PTPRT: variants seen among roughly 807,000 people sequenced by gnomAD.
PTPRT encodes protein tyrosine phosphatase receptor type T, also known as receptor-type tyrosine-protein phosphatase T.
A neutral mutation model predicts 176.8 loss-of-function variants in PTPRT; 56 were observed. That is an observed-to-expected ratio of 0.32 (90% confidence interval 0.26 to 0.40). PTPRT has a LOEUF of 0.40. Ranked by LOEUF, PTPRT falls within the 10% of genes least tolerant of loss-of-function variation. The pLI is 1.00. For missense variants in PTPRT, 1,540 were observed against 1,908.2 expected (o/e 0.81, Z 3.60); for synonymous variants, 783 against 739.0 (o/e 1.06, Z -0.96).
intron 6 of PTPRT, among the ~76,000 whole-genome samples, chr20:42,743,718 A>G (rs1281269613): frequency 6.7e-6 from 1 of 149,952 alleles, no homozygotes; most frequent in African/African-American, 2.5e-5. Context: ...CATGTTGTGC[A>G]AGGGGCATGG....
At chr20:42,614,011 A>G (rs1363484255) in intron 7 of PTPRT, among the ~76,000 whole-genome samples, 10 of 151,214 alleles carry the variant, frequency 6.6e-5, no homozygotes, top group Admixed American at 6.6e-4. Flanking sequence ...GCTTAACAAT[A>G]GGAATTTATC....
chr20:42,760,635 C>T (rs896048972), intron 5 of PTPRT, among the ~76,000 whole-genome samples: 3 of 152,120 alleles, frequency 2.0e-5, no homozygotes, highest in Non-Finnish European at 4.4e-5. Context: ...TTGTGCCAGC[C>T]ACTGTGTTAA....
rs189476075 is a variant in PTPRT at position 42,251,232 on chromosome 20, G to T, written c.2177-2410C>A. On this transcript the variant is annotated intron_variant, in intron 13 of 30. Coordinates refer to ENST00000373187, the MANE Select transcript of PTPRT (RefSeq NM_007050.6). ...TTTTACTTAGTGTGCCTGCTACCAG[G>T]TCCTGTTCTAGAGACTAGGAGTGCA... Among the ~76,000 whole-genome samples the T allele has an allele frequency of 2.0e-5, 3 of 152,246 alleles. No homozygotes were observed. In the East Asian group the frequency reaches 5.8e-4, roughly 29 times the overall value.
chr20:42,803,639 C>T (rs775895427), intron 2 of PTPRT, among the ~76,000 whole-genome samples: 2 of 152,124 alleles, frequency 1.3e-5, no homozygotes, highest in Non-Finnish European at 2.9e-5. Flanking sequence ...CTGCAACCTT[C>T]GCCTCCAGGG....
At chr20:42,786,187 T>C (rs574101523) in intron 3 of PTPRT, among the ~76,000 whole-genome samples, 13 of 152,320 alleles carry the variant, frequency 8.5e-5, no homozygotes, top group African/African-American at 3.1e-4. Context: ...GTGAGTCAAT[T>C]AAACCTCTTT....
At chr20:43,070,190 T>C (rs1430803710) in intron 1 of PTPRT, among the ~76,000 whole-genome samples, 2 of 152,180 alleles carry the variant, frequency 1.3e-5, no homozygotes, top group African/African-American at 2.4e-5. Flanking sequence ...CCGGATAGTC[T>C]TGACCAGCAG....
chr20:42,989,787 GA>G (rs1983787712), intron 1 of PTPRT, among the ~76,000 whole-genome samples: 3 of 152,180 alleles, frequency 2.0e-5, no homozygotes, highest in Non-Finnish European at 4.4e-5. Context: ...TTTCAACTGG[GA>G]AAATTGATGA....
At chr20:42,929,858 T>C (rs141270211) in intron 1 of PTPRT, among the ~76,000 whole-genome samples, 43 of 152,362 alleles carry the variant, frequency 2.8e-4, no homozygotes, top group African/African-American at 1.0e-3. Context: ...GCAGTTGCCA[T>C]GACAATGTGT....
intron 14 of PTPRT, among the ~76,000 whole-genome samples, chr20:42,240,597 C>G (rs2146878632): frequency 6.6e-6 from 1 of 152,260 alleles, no homozygotes; most frequent in Admixed American, 6.5e-5. Flanking sequence ...ATCTAACGAC[C>G]CATTTAACCA....
chr20:42,068,922 T>C (rs984381026), downstream of PTPRT, among the ~76,000 whole-genome samples: 3 of 152,224 alleles, frequency 2.0e-5, no homozygotes, highest in African/African-American at 7.2e-5. Flanking sequence ...AGATTCATCT[T>C]CTATCTCAGC....
At chr20:42,264,152 T>G (rs551338018) in intron 13 of PTPRT, among the ~76,000 whole-genome samples, 2 of 152,286 alleles carry the variant, frequency 1.3e-5, no homozygotes, top group East Asian at 3.9e-4. Flanking sequence ...TTAAGGAGAA[T>G]ATCCCAGGAG....
intron 13 of PTPRT, among the ~76,000 whole-genome samples, chr20:42,267,117 G>A (rs1279258149): frequency 6.6e-6 from 1 of 152,092 alleles, no homozygotes; most frequent in Admixed American, 6.5e-5. Context: ...TACCTGTTCA[G>A]CAGAGACTAC....
chr20:42,932,355 G>A (rs1167680575), intron 1 of PTPRT, among the ~76,000 whole-genome samples: 4 of 152,350 alleles, frequency 2.6e-5, no homozygotes, highest in Non-Finnish European at 4.4e-5. Flanking sequence ...TGGCTGCAGC[G>A]CAGGCTGCAC....
chr20:42,071,578 C>T (rs1982337558), downstream of PTPRT, among the ~76,000 whole-genome samples: 1 of 152,194 alleles, frequency 6.6e-6, no homozygotes, highest in South Asian at 2.1e-4. Context: ...CCATGGATTG[C>T]ACTCTGAGAT....
chr20:42,989,606 C>T (rs905290756), intron 1 of PTPRT, among the ~76,000 whole-genome samples: 1 of 152,142 alleles, frequency 6.6e-6, no homozygotes. Flanking sequence ...CCACTGGCTC[C>T]CACAAATCAA....
chr20:42,932,866 A>G (rs1253816829), intron 1 of PTPRT, among the ~76,000 whole-genome samples: 1 of 152,234 alleles, frequency 6.6e-6, no homozygotes, highest in Non-Finnish European at 1.5e-5. Flanking sequence ...AAAGAGAAAA[A>G]TGCAAAATGG....
At chr20:42,613,694 T>A (rs1182609961) in intron 7 of PTPRT, among the ~76,000 whole-genome samples, 3 of 152,142 alleles carry the variant, frequency 2.0e-5, no homozygotes, top group African/African-American at 7.2e-5. Flanking sequence ...AGAGACAGAT[T>A]CTATGAGCTA....
At chr20:42,328,191 A>G (rs969173541) in intron 11 of PTPRT, among the ~76,000 whole-genome samples, 5 of 152,150 alleles carry the variant, frequency 3.3e-5, no homozygotes, top group South Asian at 2.1e-4. Context: ...TTTAATGCTT[A>G]TGGGACAGGA....
At chr20:42,244,522 G>A (rs1194467501) in intron 14 of PTPRT, among the ~76,000 whole-genome samples, 1 of 152,144 alleles carries the variant, frequency 6.6e-6, no homozygotes, top group Non-Finnish European at 1.5e-5. Flanking sequence ...GTTCTCATTT[G>A]AAAATTAAAA....
Sources: gnomAD v4.1 joint callset for allele counts (sites outside exome capture counted in the v4.1 genomes callset) on GRCh38, gnomAD v4.1.1 for gene constraint, MANE v1.5 for transcripts, NCBI Gene and HGNC (gene_info 2026-07-23, HGNC 2026-07-21) for gene names.